FER: variants seen among roughly 807,000 people sequenced by gnomAD.
The protein encoded by FER is FER tyrosine kinase, also known as tyrosine-protein kinase Fer.
In FER, 63 loss-of-function variants were observed where a neutral mutation model predicts 111.0. The observed-to-expected ratio is 0.57, with a 90% CI of 0.46 to 0.70. The LOEUF (loss-of-function observed/expected upper bound fraction) is 0.70. Ranked by LOEUF, FER falls within the 30% of genes least tolerant of loss-of-function variation. The pLI, the probability that FER is intolerant of heterozygous loss-of-function variation, is 0.00. For missense variants in FER, 914 were observed against 954.0 expected, an observed-to-expected ratio of 0.96 and a Z score of 0.55; for synonymous variants, 327 against 313.9, an observed-to-expected ratio of 1.04 and a Z score of -0.44.
At chr5:109,006,332 T>C (rs1223518936) in intron 13 of FER, among the ~76,000 whole-genome samples, 1 of 152,140 alleles carries the variant, frequency 6.6e-6, no homozygotes, top group African/African-American at 2.4e-5. Context: ...GGCGAGTCTT[T>C]CCTGTGCTGT....
intron 10 of FER, among the ~76,000 whole-genome samples, chr5:108,903,748 G>A (rs1750369466): frequency 6.6e-6 from 1 of 152,050 alleles, no homozygotes; most frequent in Admixed American, 6.6e-5. Context: ...TATTCACTGA[G>A]TTCTTAAGTA....
chr5:109,032,207 T>C (rs1209509584), intron 13 of FER, among the ~76,000 whole-genome samples: 1 of 152,084 alleles, frequency 6.6e-6, no homozygotes, highest in Admixed American at 6.6e-5. Flanking sequence ...GGCAGCGAAG[T>C]AGAAAAATAA....
rs1765272516 is a variant in FER at position 108,878,079 on chromosome 5, G to A, written c.924-5317G>A. ...CACCACCATACTTGGCTAATTTTTT[G>A]TATTTTTATTAGAGATGGGGTTTCA... On this transcript the variant is annotated intron_variant, in intron 8 of 19. Transcript: ENST00000281092. 2.6e-5 allele frequency among the ~76,000 whole-genome samples: 4 copies of A among 151,788 alleles called. No individual in the cohort carries two copies. The South Asian group carries it at 8.3e-4, about 32-fold the overall frequency.
intron 6 of FER, 83 bp from the exon 7 acceptor site, chr5:108,871,282 G>T: frequency 4.5e-6 from 5 of 1,119,938 alleles, no homozygotes; most frequent in Non-Finnish European, 6.4e-6. Flanking sequence ...CATTTCTTAT[G>T]CTTATTGTTC....
At chr5:108,924,504 G>T in intron 10 of FER, 1 of 832,468 alleles carries the variant, frequency 1.2e-6, no homozygotes, top group Non-Finnish European at 1.6e-6. Flanking sequence ...ATCCAGAACT[G>T]ACTAGTATAC....
At position 109,047,172 on chromosome 5, in the gene FER, T is replaced by C. The variant is rs771059869; in HGVS notation, c.1898T>C (p.Val633Ala). Residue 633 changes from valine to alanine, a missense_variant, in exon 16 of 20, where the codon GTC (valine) becomes GCC (alanine). Physicochemically the swap from Val to Ala is moderately conservative, Grantham distance 64. This residue lies in a region of FER where 774 missense variants were observed against 782.6 expected (regional missense o/e 0.99). Transcript: ENST00000281092. The stretch of plus-strand genomic sequence containing the variant: ...GGAGTTTGCACACAAAGACAGCCTG[T>C]CTACATCATTATGGAACTGGTTTCA... ...LIGVCTQRQP[V>A]YIIMELVSGG... 21 of 1,605,148 alleles carry C rather than the reference T, an allele frequency of 1.3e-5. No individual in the cohort carries two copies. The highest frequency in any genetic ancestry group is 1.7e-5 in the Non-Finnish European group (20 of 1,175,278).
chr5:108,770,549 A>G (rs901506996), intron 2 of FER, among the ~76,000 whole-genome samples: 17 of 152,036 alleles, frequency 1.1e-4, no homozygotes, highest in African/African-American at 4.1e-4. Flanking sequence ...ATCACAGCTC[A>G]TTGCAGCCTG....
intron 2 of FER, among the ~76,000 whole-genome samples, chr5:108,777,244 G>A (rs528419139): frequency 1.3e-3 from 199 of 152,180 alleles, no homozygotes; most frequent in African/African-American, 4.3e-3. Context: ...ATCTGTAGCT[G>A]GTCTTATTCT....
chr5:108,886,158 AGGG>A (rs1216381719), intron 9 of FER, among the ~76,000 whole-genome samples: 1 of 151,746 alleles, frequency 6.6e-6, no homozygotes, highest in Non-Finnish European at 1.5e-5. Flanking sequence ...ATGATCTTTA[AGGG>A]CTCCCTAATC....
chr5:108,755,734 C>T (rs918499154), intron 1 of FER, among the ~76,000 whole-genome samples: 1 of 151,746 alleles, frequency 6.6e-6, no homozygotes, highest in African/African-American at 2.4e-5. Flanking sequence ...GATCCACCCG[C>T]CTTGGCCTCC....
intron 13 of FER, among the ~76,000 whole-genome samples, chr5:108,987,419 C>T (rs1170551295): frequency 2.0e-5 from 3 of 151,976 alleles, no homozygotes; most frequent in Non-Finnish European, 4.4e-5. Context: ...GTACTCCAGC[C>T]TGGGCAACAA....
intron 9 of FER, among the ~76,000 whole-genome samples, chr5:108,892,510 G>T (rs1013891466): frequency 1.3e-5 from 2 of 151,956 alleles, no homozygotes; most frequent in Non-Finnish European, 2.9e-5. Flanking sequence ...TTTTTGATGG[G>T]GTTGTTTGTT....
chr5:108,865,391 G>T lies in FER; in HGVS notation c.482-2376G>T, dbSNP rs894161479. ...CCCTGGCCAGAACTTCCAACACTAT[G>T]TTGAATAGGAATAGTGAGTTACACC... On this transcript the variant is annotated intron_variant, in intron 5 of 19. Transcript: ENST00000281092. 3.3e-5 allele frequency among the ~76,000 whole-genome samples: 5 copies of T among 152,152 alleles called. No individual in the cohort carries two copies. In the East Asian group the frequency reaches 9.7e-4, roughly 29 times the overall value.
intron 17 of FER, among the ~76,000 whole-genome samples, chr5:109,132,655 A>G (rs774646651): frequency 6.6e-6 from 1 of 152,162 alleles, no homozygotes; most frequent in South Asian, 2.1e-4. Context: ...GTTCAAGTTC[A>G]TGTTGATGTC....
chr5:108,794,862 G>T (rs1484459650), intron 2 of FER, among the ~76,000 whole-genome samples: 1 of 152,060 alleles, frequency 6.6e-6, no homozygotes, highest in Non-Finnish European at 1.5e-5. Flanking sequence ...ATGCCTTGAG[G>T]TAGTCTTTAC....
At chr5:108,825,247 A>G (rs1240137827) in intron 3 of FER, among the ~76,000 whole-genome samples, 2 of 152,208 alleles carry the variant, frequency 1.3e-5, no homozygotes, top group Non-Finnish European at 1.5e-5. Context: ...TGGGAGCGCT[A>G]TGGGAGACTG....
intron 10 of FER, among the ~76,000 whole-genome samples, chr5:108,911,198 A>T (rs1345468414): frequency 2.0e-5 from 3 of 151,920 alleles, no homozygotes; most frequent in Non-Finnish European, 2.9e-5. Context: ...TTGTGGTTTT[A>T]ATTTGCATTT....
intron 3 of FER, among the ~76,000 whole-genome samples, chr5:108,810,600 G>A (rs1419707777): frequency 6.6e-6 from 1 of 152,206 alleles, no homozygotes; most frequent in Non-Finnish European, 1.5e-5. Context: ...AGGAGAGTGG[G>A]TACTCCAGAT....
chr5:109,082,201 C>T (rs1581946461), intron 16 of FER, among the ~76,000 whole-genome samples: 1 of 152,096 alleles, frequency 6.6e-6, no homozygotes, highest in East Asian at 1.9e-4. Flanking sequence ...AGATAGGACT[C>T]CCTACTCTTG....
Sources: gnomAD v4.1 joint callset for allele counts (sites outside exome capture counted in the v4.1 genomes callset) on GRCh38, gnomAD v4.1.1 for gene constraint, gnomAD v4.1.1 regional missense constraint, MANE v1.5 for transcripts, NCBI Gene and HGNC (gene_info 2026-07-23, HGNC 2026-07-21) for gene names.